The following HTRA3 variants were observed in gnomAD, a reference collection of about 807,000 sequenced individuals.
The protein encoded by HTRA3 is HtrA serine peptidase 3, also known as serine protease HTRA3.
In HTRA3, 41 loss-of-function variants were observed where a neutral mutation model predicts 43.2. The ratio of observed to expected loss-of-function variants is 0.95; its 90% CI spans 0.74 to 1.23. HTRA3 has a LOEUF of 1.23. HTRA3 is among the 50% of genes most tolerant of loss of function. HTRA3 has a pLI of 0.00. For missense variants in HTRA3, 628 were observed against 647.1 expected (o/e 0.97, Z 0.32); for synonymous variants, 295 against 287.9 (o/e 1.02, Z -0.25).
At position 8,270,100 on chromosome 4, in the gene HTRA3, G is replaced by T; in HGVS notation, c.132G>T (p.Val44=). The change falls in exon 1 of 9, where the codon GTG becomes GTT. Residue 44 remains valine, a synonymous_variant. Coordinates refer to ENST00000307358, the MANE Select transcript of HTRA3 (RefSeq NM_053044.5). ...GCCCCCGCTGCCCCGGCGGCTACGTGCCCGACCTCTGCAACTGCTGCCTGG... is the reference window on the plus strand; with the variant it reads ...GCCCCCGCTGCCCCGGCGGCTACGTTCCCGACCTCTGCAACTGCTGCCTGG... The part of the protein sequence containing the change: ...CPSPRCPGGY[V]PDLCNCCLVC... 6.5e-7 allele frequency: 1 copy of T among 1,539,666 alleles called. No individual in the cohort carries two copies. Among genetic ancestry groups the T allele is most frequent in the South Asian group, 1.2e-5 (1 of 84,944 alleles).
At position 8,307,044 on chromosome 4, in the gene HTRA3, T is replaced by G. The variant is rs1345834662; in HGVS notation, c.*908T>G. Reference sequence around the variant, plus strand: ...AGCTTTGCTGTAAATGGATTCCCAGTGTTGCTTGTACTGTATGTTTCTCTA... The same window carrying G: ...AGCTTTGCTGTAAATGGATTCCCAGGGTTGCTTGTACTGTATGTTTCTCTA... On this transcript the variant is annotated 3_prime_UTR_variant, in exon 9 of 9. Coordinates refer to ENST00000307358, the MANE Select transcript of HTRA3 (RefSeq NM_053044.5). The surrounding 1 kb of genome is among the most constrained non-coding windows in gnomAD (Gnocchi z 6.1). The G allele has an allele frequency of 6.5e-6, 1 of 152,716 alleles. No homozygotes were observed. The highest frequency in any genetic ancestry group is 6.5e-5 in the Admixed American group (1 of 15,286). 9.5% of individuals were successfully genotyped at this position (152,716 alleles called of 1,614,324 possible). A position where few individuals can be genotyped will look rare whatever the true frequency, so the allele number is the denominator to read the frequency against.
chr4:8,270,138 G>T lies in HTRA3; in HGVS notation c.170G>T (p.Ser57Ile). The change falls in exon 1 of 9, where the codon AGC (serine) becomes ATC (isoleucine). Residue 57 changes from serine (S) to isoleucine (I), a missense_variant. Transcript: ENST00000307358. ...AACTGCTGCCTGGTGTGCGCCGCCA[G>T]CGAGGGCGAGCCCTGTGGCGGCCCT... is the stretch of plus-strand genomic sequence containing the variant. ...LCNCCLVCAA[S>I]EGEPCGGPLD... The T allele has an allele frequency of 6.5e-7, 1 of 1,544,048 alleles. No homozygotes were observed. Among genetic ancestry groups the T allele is most frequent in the Non-Finnish European group, 8.6e-7 (1 of 1,157,334 alleles).
At position 8,286,526 on chromosome 4, in the gene HTRA3, A is replaced by C. The variant is rs1237783309; in HGVS notation, c.486-35A>C. ...CCTGACTCCCCCGCGTCCTAGCCCC[A>C]CCCTAAATGCCCGCCTGTGTCTCCC... is the stretch of plus-strand genomic sequence containing the variant. On this transcript the variant is annotated intron_variant, in intron 2 of 8. Coordinates refer to ENST00000307358, the MANE Select transcript of HTRA3 (RefSeq NM_053044.5). This position sits in a 1 kb window ranked among gnomAD's most constrained non-coding sequence, Gnocchi z 4.9. The C allele has an allele frequency of 6.3e-7, 1 of 1,594,150 alleles. No individual in the cohort carries two copies. Among genetic ancestry groups the C allele is most frequent in the Admixed American group, 1.7e-5 (1 of 59,898 alleles).
intron 4 of HTRA3, 80 bp downstream of exon 4, chr4:8,291,644 T>C: frequency 9.1e-7 from 1 of 1,095,104 alleles, no homozygotes; most frequent in South Asian, 1.6e-5. Flanking sequence ...CTGACTCGGC[T>C]TGCCCCCCTC....
chr4:8,273,985 C>G (rs928607195), intron 1 of HTRA3, among the ~76,000 whole-genome samples: 2 of 152,084 alleles, frequency 1.3e-5, no homozygotes, highest in African/African-American at 4.8e-5. Flanking sequence ...GGCGCTCTGA[C>G]TTCCCCCTCC....
rs1201097826 is a variant in HTRA3 at position 8,297,792 on chromosome 4, T to C, written c.1051+3591T>C. Among the ~76,000 whole-genome samples, 2 of 152,072 alleles carry C rather than the reference T, an allele frequency of 1.3e-5. No homozygotes were observed. Among genetic ancestry groups the C allele is most frequent in the Non-Finnish European group, 2.9e-5 (2 of 67,990 alleles). On this transcript the variant is annotated intron_variant, in intron 6 of 8. Coordinates refer to ENST00000307358, the MANE Select transcript of HTRA3 (RefSeq NM_053044.5). This position sits in a 1 kb window ranked among gnomAD's most constrained non-coding sequence, Gnocchi z 5.8. ...ATCCCCCGGATTTACGCCTCCAGCC[T>C]GGCCCCTCCTGCTCCAGGCTCAGAC...
intron 1 of HTRA3, among the ~76,000 whole-genome samples, chr4:8,277,650 G>T (rs532269986): frequency 6.6e-6 from 1 of 152,220 alleles, no homozygotes; most frequent in Non-Finnish European, 1.5e-5. Flanking sequence ...GCCTGCACGC[G>T]CAGGAAGCAG....
In HTRA3 at chr4:8,295,164, C is replaced by T. The variant is rs971634202; in HGVS notation, c.1051+963C>T. On this transcript the variant is annotated intron_variant, in intron 6 of 8. Transcript: ENST00000307358. This position sits in a 1 kb window ranked among gnomAD's most constrained non-coding sequence, Gnocchi z 6.9. The stretch of plus-strand genomic sequence containing the variant: ...CTACCTATCCACCCATCCATCCATC[C>T]GTCTACCCACCTGTCCCTCTATCCC... Among the ~76,000 whole-genome samples, 5 of 152,142 alleles carry T rather than the reference C, an allele frequency of 3.3e-5. No individual in the cohort carries two copies. Among genetic ancestry groups the T allele is most frequent in the African/African-American group, 7.2e-5 (3 of 41,432 alleles).
At chr4:8,291,183 G>C (rs1036772863) in intron 3 of HTRA3, among the ~76,000 whole-genome samples, 187 bp from the exon 4 acceptor site, 3 of 152,142 alleles carry the variant, frequency 2.0e-5, no homozygotes, top group African/African-American at 7.2e-5. Context: ...TCCAGCCCTG[G>C]GTCTCAGCAC....
In HTRA3 at chr4:8,306,192, C is replaced by G; in HGVS notation, c.*56C>G. 1.3e-6 allele frequency: 2 copies of G among 1,489,258 alleles called. No individual in the cohort carries two copies. The highest frequency in any genetic ancestry group is 1.8e-6 in the Non-Finnish European group (2 of 1,110,560). The allele number at this position is 1,489,258 out of a possible 1,614,324, so 92.3% of individuals were successfully genotyped here. A position where few individuals can be genotyped will look rare whatever the true frequency, so the allele number is the denominator to read the frequency against. ...AGCCTGCAGACAACGGAGGGCAGCGCCCCCCCGAGATCAGGACGAAGGACC... is the reference window on the plus strand; with the variant it reads ...AGCCTGCAGACAACGGAGGGCAGCGGCCCCCCGAGATCAGGACGAAGGACC... On this transcript the variant is annotated 3_prime_UTR_variant, in exon 9 of 9. Transcript: ENST00000307358. The surrounding 1 kb of genome is among the most constrained non-coding windows in gnomAD (Gnocchi z 8.9).
intron 1 of HTRA3, among the ~76,000 whole-genome samples, chr4:8,273,132 GCTGGGCCTGGC>G (rs1372653719): frequency 6.6e-6 from 1 of 152,224 alleles, no homozygotes; most frequent in Non-Finnish European, 1.5e-5. Flanking sequence ...AAGTGACCCG[GCTGGGCCTGGC>G]CTGGGTCTGG....
At chr4:8,274,749 A>G (rs964827467) in intron 1 of HTRA3, among the ~76,000 whole-genome samples, 8 of 152,192 alleles carry the variant, frequency 5.3e-5, no homozygotes, top group African/African-American at 1.9e-4. Context: ...GCGTAACCAG[A>G]GCTCTGAGGC....
At position 8,306,499 on chromosome 4, in the gene HTRA3, T is replaced by C; in HGVS notation, c.*363T>C. 1 of 186,826 alleles carries C rather than the reference T, an allele frequency of 5.4e-6. No homozygotes were observed. Among genetic ancestry groups the C allele is most frequent in the Non-Finnish European group, 1.1e-5 (1 of 88,976 alleles). The allele number at this position is 186,826 out of a possible 1,614,324, so 11.6% of individuals were successfully genotyped here. ...CTGCAGTATCCCCTGCTCCTGCCCC[T>C]CCTACTGCAGGTCTGGGCTGCCAAG... On this transcript the variant is annotated 3_prime_UTR_variant, in exon 9 of 9. Transcript: ENST00000307358. The surrounding 1 kb of genome is among the most constrained non-coding windows in gnomAD (Gnocchi z 8.9).
rs981012506 is a variant in HTRA3, at chr4:8,292,331, C to A, written c.914C>A (p.Ser305Tyr). The A allele has an allele frequency of 6.2e-7, 1 of 1,613,106 alleles. No homozygotes were observed. The highest frequency in any genetic ancestry group is 8.5e-7 in the Non-Finnish European group (1 of 1,179,690). The stretch of plus-strand genomic sequence containing the variant: ...TTCCTCCCCTTGCAGTACGGGAACT[C>A]CGGGGGACCACTGGTGAACCTGGTA... ...QTDAIINYGN[S>Y]GGPLVNLDGE... The change falls in exon 5 of 9, where the codon TCC (serine) becomes TAC (tyrosine). Residue 305 changes from serine to tyrosine, a missense_variant. By Grantham distance (144) the Ser-to-Tyr change is moderately radical. Coordinates refer to ENST00000307358, the MANE Select transcript of HTRA3 (RefSeq NM_053044.5).
chr4:8,305,476 G>T (rs148286027), intron 8 of HTRA3, among the ~76,000 whole-genome samples: 2 of 152,234 alleles, frequency 1.3e-5, no homozygotes, highest in Non-Finnish European at 2.9e-5. Context: ...TCCTGATGCT[G>T]GTGCCCACGC....
chr4:8,273,608 G>A (rs1011895144), intron 1 of HTRA3, among the ~76,000 whole-genome samples: 10 of 132,842 alleles, frequency 7.5e-5, no homozygotes, highest in South Asian at 2.5e-4. Context: ...TCCAGCCCCC[G>A]GGTCTCTCCT....
chr4:8,282,714 T>C (rs1336402633), intron 2 of HTRA3, among the ~76,000 whole-genome samples, 178 bp downstream of exon 2: 2 of 152,112 alleles, frequency 1.3e-5, no homozygotes, highest in Non-Finnish European at 2.9e-5. Context: ...GGGAAGGACA[T>C]CCCCGCTGAA....
At chr4:8,285,135 G>T (rs533247184) in intron 2 of HTRA3, among the ~76,000 whole-genome samples, 2 of 152,076 alleles carry the variant, frequency 1.3e-5, no homozygotes, top group South Asian at 4.1e-4. Flanking sequence ...TGTGAGACTG[G>T]ACTTCCCTCC....
intron 3 of HTRA3, among the ~76,000 whole-genome samples, chr4:8,288,064 C>T (rs1713066562): frequency 6.6e-6 from 1 of 152,224 alleles, no homozygotes; most frequent in African/African-American, 2.4e-5. Context: ...TGAACGTTTA[C>T]AGCATTTGTG....
Sources: allele counts gnomAD v4.1 joint callset (sites outside exome capture counted in the v4.1 genomes callset), GRCh38; gene constraint gnomAD v4.1.1; non-coding constraint Gnocchi (gnomAD v3.1); transcripts MANE v1.5; gene names NCBI Gene and HGNC (gene_info 2026-07-23, HGNC 2026-07-21).